Variants in GTF2A1 observed in about 807,000 individuals in gnomAD.
GTF2A1 encodes transcription initiation factor IIA subunit 1.
In GTF2A1, 12 loss-of-function variants were observed where a neutral mutation model predicts 54.1. That is an observed-to-expected ratio of 0.22 (90% CI 0.14 to 0.36). The LOEUF (loss-of-function observed/expected upper bound fraction) is 0.36, where lower values mean the gene tolerates loss of function less well. Among genes scored for constraint, GTF2A1 ranks in the 10% least tolerant of loss-of-function variants. The pLI, the probability that GTF2A1 is intolerant of heterozygous loss-of-function variation, is 1.00. For missense variants in GTF2A1, 335 were observed against 442.2 expected, an observed-to-expected ratio of 0.76 and a Z score of 2.17; for synonymous variants, 145 against 152.0, an observed-to-expected ratio of 0.95 and a Z score of 0.34.
intron 4 of GTF2A1, among the ~76,000 whole-genome samples, chr14:81,200,854 C>T (rs2140160704): frequency 6.9e-6 from 1 of 145,898 alleles, no homozygotes; most frequent in East Asian, 2.1e-4. Flanking sequence ...TATTGAACTA[C>T]TCTAATCTGA....
Position 81,220,818 on chromosome 14 carries a change from ACCACCGG to A in GTF2A1, c.-307_-301del. The A allele has an allele frequency of 3.2e-6, 1 of 313,884 alleles. No homozygotes were observed. The highest frequency in any genetic ancestry group is 5.8e-6 in the Non-Finnish European group (1 of 172,778). 19.4% of individuals were successfully genotyped at this position (313,884 alleles called of 1,614,324 possible). ...CCACCCCGCGCCAAGGAGGGAAACC[ACCACCGG>A]TCACCGCTCCCTGCGCCGCCGCTGC... On this transcript the variant is annotated 5_prime_UTR_variant, in exon 1 of 9. The change creates a new upstream start codon in the 5' untranslated region. Transcript: ENST00000553612.
intron 7 of GTF2A1, among the ~76,000 whole-genome samples, chr14:81,186,128 A>G (rs780143573): frequency 6.6e-6 from 1 of 152,192 alleles, no homozygotes; most frequent in Non-Finnish European, 1.5e-5. Context: ...CTGGGATTAC[A>G]GGCGTGAGCC....
chr14:81,215,654 C>A (rs1893472577), intron 2 of GTF2A1, among the ~76,000 whole-genome samples: 1 of 152,208 alleles, frequency 6.6e-6, no homozygotes, highest in African/African-American at 2.4e-5. Context: ...GGGTCTACTT[C>A]AAGAACCTAA....
At chr14:81,191,382 C>T (rs1566853474) in intron 7 of GTF2A1, among the ~76,000 whole-genome samples, 1 of 152,130 alleles carries the variant, frequency 6.6e-6, no homozygotes, top group East Asian at 1.9e-4. Context: ...TATTTTATAA[C>T]TGTTTGTAAC....
intron 4 of GTF2A1, among the ~76,000 whole-genome samples, chr14:81,199,833 TAG>T (rs774063363): frequency 2.6e-5 from 4 of 152,140 alleles, no homozygotes; most frequent in African/African-American, 4.8e-5. Flanking sequence ...AAAATTCTTT[TAG>T]AGGGGCCTAC....
chr14:81,216,313 T>C (rs1893487589), intron 2 of GTF2A1, 100 bp downstream of exon 2: 12 of 649,188 alleles, frequency 1.8e-5, no homozygotes, highest in Non-Finnish European at 3.3e-5. Context: ...TTCACTCAAC[T>C]ATACGTTCAT....
At chr14:81,215,808 G>A (rs1193198879) in intron 2 of GTF2A1, among the ~76,000 whole-genome samples, 1 of 152,164 alleles carries the variant, frequency 6.6e-6, no homozygotes, top group Admixed American at 6.5e-5. Flanking sequence ...GGCCGAGGCG[G>A]GAGGATCACT....
chr14:81,191,965 G>A (rs1173606043), intron 7 of GTF2A1, among the ~76,000 whole-genome samples: 1 of 152,200 alleles, frequency 6.6e-6, no homozygotes, highest in Non-Finnish European at 1.5e-5. Context: ...TTGGAGCCTA[G>A]TAACTAAGCT....
intron 4 of GTF2A1, among the ~76,000 whole-genome samples, chr14:81,200,313 A>G (rs899261531): frequency 2.6e-5 from 4 of 151,988 alleles, no homozygotes; most frequent in African/African-American, 9.7e-5. Flanking sequence ...CTTTTCATAC[A>G]CTGCTTTTTG....
At chr14:81,210,818 GT>G in intron 2 of GTF2A1, among the ~76,000 whole-genome samples, 1 of 152,182 alleles carries the variant, frequency 6.6e-6, no homozygotes, top group East Asian at 1.9e-4. Context: ...GCCTCCCAAA[GT>G]GCTGGAATTA....
Position 81,201,565 on chromosome 14 carries a change from C to A in GTF2A1, c.402+29G>T, listed in dbSNP as rs111880332. 6.8e-6 allele frequency: 9 copies of A among 1,326,656 alleles called. No individual in the cohort carries two copies. The African/African-American group carries it at 8.6e-5, about 13-fold the overall frequency. The allele number at this position is 1,326,656 out of a possible 1,614,324, so 82.2% of individuals were successfully genotyped here. ...AATGTGGGTTAGAATTAAGTACAGC[C>A]AATCAAACTGCTACATTCTGAGTCT... is the stretch of plus-strand genomic sequence containing the variant. On this transcript the variant is annotated intron_variant, in intron 4 of 8. Coordinates refer to ENST00000553612, the MANE Select transcript of GTF2A1 (RefSeq NM_015859.4).
chr14:81,187,915 G>A (rs1892785178), intron 7 of GTF2A1, among the ~76,000 whole-genome samples: 1 of 152,082 alleles, frequency 6.6e-6, no homozygotes, highest in Admixed American at 6.6e-5. Context: ...GTTTCCCACA[G>A]CAGCTGTACC....
chr14:81,190,794 C>T (rs558649638), intron 7 of GTF2A1, among the ~76,000 whole-genome samples: 43 of 152,160 alleles, frequency 2.8e-4, no homozygotes, highest in Admixed American at 1.0e-3. Flanking sequence ...GAAGGCTTAG[C>T]CAATGAGCCA....
intron 4 of GTF2A1, among the ~76,000 whole-genome samples, chr14:81,201,299 C>T (rs181175301): frequency 1.3e-5 from 2 of 152,286 alleles, no homozygotes; most frequent in East Asian, 1.9e-4. Context: ...CAGAACCATA[C>T]TTGGCATTAT....
rs762840125 is a variant in GTF2A1 at position 81,191,200 on chromosome 14, T to A, written c.933+1319A>T. On this transcript the variant is annotated intron_variant, in intron 7 of 8. Coordinates refer to ENST00000553612, the MANE Select transcript of GTF2A1 (RefSeq NM_015859.4). ...AATCAGGAAGCCTGACACTATCAGG[T>A]ATTGATAAGGGGGTATGGACATCTG... Among the ~76,000 whole-genome samples the A allele has an allele frequency of 4.0e-3, 605 of 152,274 alleles. 3 individuals carry two copies. Among genetic ancestry groups the A allele is most frequent in the Non-Finnish European group, 7.2e-3 (489 of 68,012 alleles).
At chr14:81,202,929 A>C (rs1893145794) in intron 3 of GTF2A1, 1 of 389,658 alleles carries the variant, frequency 2.6e-6, no homozygotes, top group Non-Finnish European at 5.0e-6. Context: ...AATAACCCAA[A>C]TACTCTTCTA....
intron 2 of GTF2A1, among the ~76,000 whole-genome samples, chr14:81,210,767 C>G (rs900007577): frequency 6.6e-6 from 1 of 152,082 alleles, no homozygotes; most frequent in African/African-American, 2.4e-5. Flanking sequence ...GTTGGCCAGG[C>G]TGTTCTCAAA....
intron 6 of GTF2A1, 148 bp downstream of exon 6, chr14:81,195,960 T>G: frequency 1.6e-6 from 1 of 639,312 alleles, no homozygotes. Flanking sequence ...GAATCTAAGT[T>G]AAGCTGTATA....
At chr14:81,200,324 G>A (rs1184204856) in intron 4 of GTF2A1, among the ~76,000 whole-genome samples, 1 of 151,816 alleles carries the variant, frequency 6.6e-6, no homozygotes. Context: ...CTGCTTTTTG[G>A]TTTAAAAAAA....
Sources: gnomAD v4.1 joint callset for allele counts (sites outside exome capture counted in the v4.1 genomes callset) on GRCh38, gnomAD v4.1.1 for gene constraint, MANE v1.5 for transcripts, NCBI Gene and HGNC (gene_info 2026-07-23, HGNC 2026-07-21) for gene names.